The following GPHN variants were observed in gnomAD, a reference collection of about 807,000 sequenced individuals.
The protein encoded by GPHN is gephyrin.
A neutral mutation model predicts 95.5 loss-of-function variants in GPHN; 17 were observed. That is an observed-to-expected ratio of 0.18 (90% CI 0.12 to 0.27). The LOEUF is 0.27. Ranked by LOEUF, GPHN falls within the 10% of genes least tolerant of loss-of-function variation. GPHN has a pLI of 1.00. For synonymous variants in GPHN, 320 were observed against 322.5 expected, an observed-to-expected ratio of 0.99 and a Z score of 0.08; for missense variants, 660 against 978.1, an observed-to-expected ratio of 0.67 and a Z score of 4.34.
At chr14:67,305,921 G>A in the GPHN span, among the ~76,000 whole-genome samples, 1 of 152,158 alleles carries the variant, frequency 6.6e-6, no homozygotes, top group Admixed American at 6.6e-5. Flanking sequence ...AGCTTAAAAA[G>A]GAAGAAAGTG....
chr14:67,289,255 A>G, the GPHN span, among the ~76,000 whole-genome samples: 1 of 152,156 alleles, frequency 6.6e-6, no homozygotes, highest in Non-Finnish European at 1.5e-5. Flanking sequence ...GGCATGAGCC[A>G]CCATCGCACG....
chr14:66,613,985 T>C (rs1338812487), intron 1 of GPHN, among the ~76,000 whole-genome samples: 1 of 152,176 alleles, frequency 6.6e-6, no homozygotes, highest in East Asian at 1.9e-4. Context: ...TATGTGTTTA[T>C]GTCTTATCTC....
At chr14:67,692,869 AATC>A in the GPHN span, 2 of 1,144,264 alleles carry the variant, frequency 1.7e-6, no homozygotes, top group African/African-American at 1.5e-5. Flanking sequence ...AATGAGAATG[AATC>A]ATCATTACTG....
At chr14:66,889,805 T>G (rs1773926858) in intron 5 of GPHN, among the ~76,000 whole-genome samples, 1 of 150,112 alleles carries the variant, frequency 6.7e-6, no homozygotes, top group South Asian at 2.1e-4. Context: ...CAAAAAACAA[T>G]AGAGAAAATC....
chr14:67,319,601 C>A, the GPHN span, among the ~76,000 whole-genome samples: 4 of 140,034 alleles, frequency 2.9e-5, no homozygotes, highest in South Asian at 8.9e-4. Flanking sequence ...CTAGAGATAG[C>A]TGATGAGCTA....
the GPHN span, among the ~76,000 whole-genome samples, chr14:67,198,576 C>T: frequency 6.6e-6 from 1 of 152,196 alleles, no homozygotes; most frequent in Non-Finnish European, 1.5e-5. Flanking sequence ...TCATAATCTT[C>T]CCAAAATTAC....
chr14:66,691,943 C>G (rs2067808645), intron 2 of GPHN, among the ~76,000 whole-genome samples: 2 of 152,118 alleles, frequency 1.3e-5, no homozygotes, highest in African/African-American at 4.8e-5. Context: ...ATAATAAAAG[C>G]TAGATAGCAT....
At chr14:67,570,215 A>G in the GPHN span, 1 of 349,766 alleles carries the variant, frequency 2.9e-6, no homozygotes, top group Non-Finnish European at 4.0e-6. Flanking sequence ...GTGAATCAGT[A>G]TGAACGTGGA....
chr14:67,171,703 TG>T lies in GPHN; in HGVS notation c.2079+2668del, dbSNP rs1340933795. On this transcript the variant is annotated intron_variant, in intron 21 of 22. Transcript: ENST00000478722. ...CAATGAATAAATAACTGCATTTTAA[TG>T]AAAAAAAACTGAAGAAGAGCAGCAG... Among the ~76,000 whole-genome samples the T allele has an allele frequency of 3.9e-5, 6 of 151,942 alleles. No homozygotes were observed. In the East Asian group the frequency reaches 1.2e-3, roughly 29 times the overall value.
intron 11 of GPHN, among the ~76,000 whole-genome samples, chr14:67,076,138 A>T (rs2076483835): frequency 6.6e-6 from 1 of 152,176 alleles, no homozygotes; most frequent in African/African-American, 2.4e-5. Context: ...GCCACAAGCA[A>T]CTACCACCCA....
intron 1 of GPHN, among the ~76,000 whole-genome samples, chr14:66,622,531 T>A (rs748344992): frequency 6.6e-6 from 1 of 152,232 alleles, no homozygotes; most frequent in Non-Finnish European, 1.5e-5. Context: ...ATTGTCAGGC[T>A]ACAAGTTTTC....
the GPHN span, among the ~76,000 whole-genome samples, chr14:67,526,241 G>A: frequency 6.6e-6 from 1 of 152,200 alleles, no homozygotes; most frequent in Non-Finnish European, 1.5e-5. Context: ...ATTGGGAGTC[G>A]GTCTAGTGCC....
the GPHN span, among the ~76,000 whole-genome samples, chr14:67,375,290 GTC>G: frequency 2.0e-5 from 3 of 146,634 alleles, no homozygotes; most frequent in African/African-American, 7.5e-5. Flanking sequence ...GTGTCACAAA[GTC>G]TTTCCCAGAC....
intron 2 of GPHN, among the ~76,000 whole-genome samples, chr14:66,775,797 G>T (rs564272385): frequency 6.6e-6 from 1 of 152,232 alleles, no homozygotes; most frequent in Admixed American, 6.5e-5. Context: ...TGAATATGAC[G>T]TATAATGGCA....
chr14:67,090,575 A>G (rs1401979941), intron 12 of GPHN, among the ~76,000 whole-genome samples: 1 of 152,094 alleles, frequency 6.6e-6, no homozygotes, highest in Non-Finnish European at 1.5e-5. Context: ...CCAAAATCTG[A>G]AAAACATCAA....
chr14:67,100,851 C>T lies in GPHN; in HGVS notation c.1238-5C>T. The T allele has an allele frequency of 6.3e-7, 1 of 1,597,300 alleles. No homozygotes were observed. The highest frequency in any genetic ancestry group is 8.6e-7 in the Non-Finnish European group (1 of 1,164,656). The stretch of plus-strand genomic sequence containing the variant: ...GTTTGTTCTTGGCTCTGTTCCATCT[C>T]ACAGCTGCTGATGGCCCAGGAGATC... On this transcript the variant is annotated splice_region_variant and splice_polypyrimidine_tract_variant and intron_variant, in intron 12 of 22. Coordinates refer to ENST00000478722, the MANE Select transcript of GPHN (RefSeq NM_020806.5).
At chr14:66,547,391 A>C (rs949074040) in intron 1 of GPHN, among the ~76,000 whole-genome samples, 3 of 152,236 alleles carry the variant, frequency 2.0e-5, no homozygotes, top group Non-Finnish European at 4.4e-5. Context: ...GATTAAAATA[A>C]GTAAAAGAGT....
chr14:66,922,481 A>C (rs2066274326), intron 6 of GPHN, among the ~76,000 whole-genome samples, 185 bp from the exon 7 acceptor site: 2 of 152,170 alleles, frequency 1.3e-5, no homozygotes, highest in African/African-American at 4.8e-5. Flanking sequence ...GCTTATGGAG[A>C]ATGCTATAAC....
chr14:66,838,014 A>G (rs1169460685), intron 4 of GPHN, among the ~76,000 whole-genome samples: 5 of 152,274 alleles, frequency 3.3e-5, no homozygotes, highest in Admixed American at 3.3e-4. Context: ...TTTATGGAGT[A>G]GCATAACATA....
Sources: gnomAD v4.1 joint callset for allele counts (sites outside exome capture counted in the v4.1 genomes callset) on GRCh38, gnomAD v4.1.1 for gene constraint, MANE v1.5 for transcripts, NCBI Gene and HGNC (gene_info 2026-07-23, HGNC 2026-07-21) for gene names.